The following STK32B variants were observed in gnomAD, a reference collection of about 807,000 sequenced individuals.
The protein encoded by STK32B is serine/threonine kinase 32B, also known as serine/threonine-protein kinase 32B.
STK32B carries 43 observed loss-of-function variants against 52.6 expected under a neutral mutation model. The ratio of observed to expected loss-of-function variants is 0.82; its 90% CI spans 0.64 to 1.05. STK32B has a LOEUF of 1.05. STK32B is among the 50% of genes least tolerant of loss of function. The pLI is 0.00. For missense variants in STK32B, 621 were observed against 534.6 expected (o/e 1.16, Z -1.59); for synonymous variants, 238 against 204.3 (o/e 1.17, Z -1.41).
chr4:5,131,419 A>G (rs750475282), intron 1 of STK32B, among the ~76,000 whole-genome samples: 7 of 152,186 alleles, frequency 4.6e-5, no homozygotes, highest in South Asian at 2.1e-4. Flanking sequence ...ATATTTCCAA[A>G]CAGCTTAAAC....
upstream of STK32B, chr4:5,051,456 C>A: frequency 4.4e-6 from 1 of 225,364 alleles, no homozygotes; most frequent in Non-Finnish European, 8.5e-6. Flanking sequence ...GTGCTGCCTT[C>A]GTCCGTCCCC....
intron 1 of STK32B, among the ~76,000 whole-genome samples, chr4:5,061,376 G>A (rs1450340327): frequency 6.6e-6 from 1 of 152,070 alleles, no homozygotes; most frequent in African/African-American, 2.4e-5. Context: ...CTCAAAACTT[G>A]CCTTTTAATG....
intron 1 of STK32B, among the ~76,000 whole-genome samples, chr4:5,122,555 A>G (rs1205905377): frequency 7.4e-6 from 1 of 134,942 alleles, no homozygotes; most frequent in Non-Finnish European, 1.5e-5. Flanking sequence ...TTACTCACTC[A>G]TTCACTCACT....
intron 3 of STK32B, among the ~76,000 whole-genome samples, chr4:5,176,098 G>A (rs1343522198): frequency 2.0e-5 from 3 of 152,238 alleles, no homozygotes; most frequent in African/African-American, 7.2e-5. Flanking sequence ...GACCCTCTGA[G>A]CCATGTGCGG....
At chr4:5,440,421 G>C (rs146887908) in intron 6 of STK32B, among the ~76,000 whole-genome samples, 1 of 151,946 alleles carries the variant, frequency 6.6e-6, no homozygotes, top group African/African-American at 2.4e-5. Context: ...TTGTTGGTGT[G>C]TAAGAATGCT....
chr4:5,169,677 A>C (rs894222884), intron 3 of STK32B, among the ~76,000 whole-genome samples: 1 of 151,916 alleles, frequency 6.6e-6, no homozygotes, highest in Non-Finnish European at 1.5e-5. Flanking sequence ...GTCTCTGTGC[A>C]GTGATCTAAA....
intron 3 of STK32B, among the ~76,000 whole-genome samples, chr4:5,178,440 G>T (rs1175098218): frequency 6.6e-6 from 1 of 152,194 alleles, no homozygotes; most frequent in Admixed American, 6.5e-5. Context: ...TGCTGTGAAG[G>T]TCTCTGACAT....
At chr4:5,321,863 G>A (rs762609915) in intron 3 of STK32B, among the ~76,000 whole-genome samples, 3 of 152,066 alleles carry the variant, frequency 2.0e-5, no homozygotes, top group African/African-American at 4.8e-5. Flanking sequence ...TCATCTTGTC[G>A]CCTTGGTCTA....
chr4:5,192,694 A>G lies in STK32B; in HGVS notation c.260+24244A>G, dbSNP rs188593852. Among the ~76,000 whole-genome samples the G allele has an allele frequency of 7.9e-5, 12 of 152,052 alleles. No homozygotes were observed. The East Asian group carries it at 1.6e-3, about 20-fold the overall frequency. On this transcript the variant is annotated intron_variant, in intron 3 of 11. Coordinates refer to ENST00000282908, the MANE Select transcript of STK32B (RefSeq NM_018401.3). ...TTACCACACTCAAGCTGATTAACCC[A>G]TCCACCACCTCACACAGTCACCTTT...
chr4:5,484,409 A>T (rs1205704755), intron 11 of STK32B, among the ~76,000 whole-genome samples: 1 of 151,892 alleles, frequency 6.6e-6, no homozygotes, highest in African/African-American at 2.4e-5. Flanking sequence ...TAGGATTGCA[A>T]CCTCTGCCTT....
intron 3 of STK32B, among the ~76,000 whole-genome samples, chr4:5,303,186 G>C (rs1022821112): frequency 2.6e-5 from 4 of 151,910 alleles, no homozygotes; most frequent in African/African-American, 9.7e-5. Context: ...TTTTCCTCAG[G>C]GTAGATACCC....
At chr4:5,100,361 A>C (rs12233874) in intron 1 of STK32B, among the ~76,000 whole-genome samples, 140,620 of 143,874 alleles carry the variant, frequency 0.98, 68,717 homozygotes, top group East Asian at 1. Context: ...TCCTCCCCCC[A>C]GCTGCCTTTC....
rs1401271558 is a variant in STK32B at position 5,327,491 on chromosome 4, AAAC to A, written c.261-3724_261-3722del. The stretch of plus-strand genomic sequence containing the variant: ...CAGGATGGATGTTGTTTTATCATGA[AAAC>A]AACATTAATCTTGTACATCTCCATC... On this transcript the variant is annotated intron_variant, in intron 3 of 11. Transcript: ENST00000282908. 1.1e-4 allele frequency among the ~76,000 whole-genome samples: 16 copies of A among 152,004 alleles called. 1 individual carries two copies. The East Asian group carries it at 1.7e-3, about 17-fold the overall frequency.
Position 5,416,950 on chromosome 4 carries a change from C to G in STK32B, c.562+16C>G. 6.2e-7 allele frequency: 1 copy of G among 1,603,986 alleles called. No individual in the cohort carries two copies. Among genetic ancestry groups the G allele is most frequent in the Non-Finnish European group, 8.5e-7 (1 of 1,174,750 alleles). On this transcript the variant is annotated intron_variant, in intron 6 of 11. Coordinates refer to ENST00000282908, the MANE Select transcript of STK32B (RefSeq NM_018401.3). ...CCCTACATGGGTGAGTGTTCCAGGC[C>G]CCTTCTTTTCATGTGATCGGGCTCA...
chr4:5,300,218 A>G (rs1181130890), intron 3 of STK32B, among the ~76,000 whole-genome samples: 3 of 152,228 alleles, frequency 2.0e-5, no homozygotes, highest in East Asian at 1.9e-4. Flanking sequence ...AAAGCATCCA[A>G]TAAAATTCAA....
At chr4:5,175,527 AC>A (rs1283346916) in intron 3 of STK32B, among the ~76,000 whole-genome samples, 1 of 151,980 alleles carries the variant, frequency 6.6e-6, no homozygotes, top group Non-Finnish European at 1.5e-5. Flanking sequence ...AACAGTCAGG[AC>A]CCTCAGCTTT....
At chr4:5,242,353 T>G (rs1433489870) in intron 3 of STK32B, among the ~76,000 whole-genome samples, 1 of 152,230 alleles carries the variant, frequency 6.6e-6, no homozygotes, top group Non-Finnish European at 1.5e-5. Flanking sequence ...TTTCATGTGT[T>G]TTTTGGCTGC....
intron 3 of STK32B, among the ~76,000 whole-genome samples, chr4:5,210,065 T>C (rs1722814623): frequency 6.6e-6 from 1 of 152,188 alleles, no homozygotes; most frequent in Non-Finnish European, 1.5e-5. Context: ...AGCTCTTCCA[T>C]TGGAAAGTTG....
chr4:5,291,809 T>C (rs1728908057), intron 3 of STK32B, among the ~76,000 whole-genome samples: 1 of 152,120 alleles, frequency 6.6e-6, no homozygotes, highest in South Asian at 2.1e-4. Context: ...TGTTTGTTTG[T>C]TTTTTCATAG....
Sources: gnomAD v4.1 joint callset for allele counts (sites outside exome capture counted in the v4.1 genomes callset) on GRCh38, gnomAD v4.1.1 for gene constraint, MANE v1.5 for transcripts, NCBI Gene and HGNC (gene_info 2026-07-23, HGNC 2026-07-21) for gene names.